The following ITGA3 variants were observed in gnomAD, a reference collection of about 807,000 sequenced individuals.
ITGA3 encodes the protein integrin alpha-3.
In ITGA3, 70 loss-of-function variants were observed where a neutral mutation model predicts 131.1. That is an observed-to-expected ratio of 0.53 (90% CI 0.44 to 0.65). ITGA3 has a LOEUF of 0.65. Ranked by LOEUF, ITGA3 falls within the 30% of genes least tolerant of loss-of-function variation. The probability of loss-of-function intolerance (pLI) is 0.00; values close to 1 mark genes in which losing one functional copy is unlikely to be tolerated. For missense variants in ITGA3, 1,098 were observed against 1,388.6 expected (o/e 0.79, Z 3.33); for synonymous variants, 537 against 571.6 (o/e 0.94, Z 0.86).
rs374128360 is a variant in ITGA3, at chr17:50,060,682, C to T, written c.207-3395C>T. On this transcript the variant is annotated intron_variant, in intron 1 of 25. Coordinates refer to ENST00000320031, the MANE Select transcript of ITGA3 (RefSeq NM_002204.4). Reference sequence around the variant, plus strand: ...GGGGGCTGGGGGTCTCTGCTCCCCCCAGTCCAGCCTGACTCCAGGAGAGGG... The same window carrying T: ...GGGGGCTGGGGGTCTCTGCTCCCCCTAGTCCAGCCTGACTCCAGGAGAGGG... 7.3e-4 allele frequency among the ~76,000 whole-genome samples: 111 copies of T among 152,170 alleles called. 2 individuals are homozygous for T. The South Asian group carries it at 0.02, about 28-fold the overall frequency.
chr17:50,074,440 C>A lies in ITGA3; in HGVS notation c.1383-8C>A. 2 of 1,613,628 alleles carry A rather than the reference C, an allele frequency of 1.2e-6. No individual in the cohort carries two copies. The highest frequency in any genetic ancestry group is 1.7e-6 in the Non-Finnish European group (2 of 1,179,636). The stretch of plus-strand genomic sequence containing the variant: ...ACTGATATCTGTCTGGCTCTGTTGT[C>A]TCTGCAGGGCCCGGCCCGTCATCAA... On this transcript the variant is annotated splice_region_variant and splice_polypyrimidine_tract_variant and intron_variant, in intron 9 of 25. Transcript: ENST00000320031.
chr17:50,076,412 G>A lies in ITGA3; in HGVS notation c.1761G>A (p.Gly587=), dbSNP rs1156610036. Residue 587 remains glycine (G), a synonymous_variant, in exon 13 of 26, where the codon GGG becomes GGA. Transcript: ENST00000320031. The stretch of plus-strand genomic sequence containing the variant: ...GGATGCCCGATCGCCCCCGGCTGGG[G>A]CTGCGGTCCCTGGACGCCTACCCGA... ...PLRMPDRPRL[G]LRSLDAYPIL... 1.2e-6 allele frequency: 2 copies of A among 1,612,418 alleles called. No homozygotes were observed. The highest frequency in any genetic ancestry group is 1.7e-6 in the Non-Finnish European group (2 of 1,180,002).
Position 50,074,826 on chromosome 17 carries a change from GA to G in ITGA3, c.1469+293del, listed in dbSNP as rs1428120284. On this transcript the variant is annotated intron_variant, in intron 10 of 25. Coordinates refer to ENST00000320031, the MANE Select transcript of ITGA3 (RefSeq NM_002204.4). ...GGTGGGGATGGGCTCTGGAAAGGGGGACGCATTTAAGTGGATGGATATGGAG... is the reference window on the plus strand; with the variant it reads ...GGTGGGGATGGGCTCTGGAAAGGGGGCGCATTTAAGTGGATGGATATGGAG... 2.6e-5 allele frequency among the ~76,000 whole-genome samples: 4 copies of G among 152,188 alleles called. No individual in the cohort carries two copies. The East Asian group carries it at 7.7e-4, about 29-fold the overall frequency.
In ITGA3 at chr17:50,071,967, T is replaced by C. The variant is rs752556325; in HGVS notation, c.960-19T>C. 1.9e-6 allele frequency: 3 copies of C among 1,607,112 alleles called. No homozygotes were observed. Among genetic ancestry groups the C allele is most frequent in the Non-Finnish European group, 2.6e-6 (3 of 1,175,392 alleles). On this transcript the variant is annotated intron_variant, in intron 6 of 25. Transcript: ENST00000320031. Reference sequence around the variant, plus strand: ...TGGAGGCTGACCTCACACTCCCATTTCCCTCCTCTCCTGTGTAGGTGGCAG... The same window carrying C: ...TGGAGGCTGACCTCACACTCCCATTCCCCTCCTCTCCTGTGTAGGTGGCAG...
chr17:50,062,370 G>C (rs1210878138), intron 1 of ITGA3, among the ~76,000 whole-genome samples: 1 of 152,098 alleles, frequency 6.6e-6, no homozygotes, highest in African/African-American at 2.4e-5. Flanking sequence ...GCAGGCTGTG[G>C]GTCCCTTCTC....
intron 25 of ITGA3, 75 bp downstream of exon 25, chr17:50,088,441 C>G: frequency 1.3e-6 from 1 of 754,226 alleles, no homozygotes; most frequent in Admixed American, 2.2e-5. Context: ...ATCTGCTCCT[C>G]TTCCCTTATG....
In ITGA3 at chr17:50,085,238, G is replaced by A. The variant is rs547637878; in HGVS notation, c.2920-2506G>A. On this transcript the variant is annotated intron_variant, in intron 23 of 25. Coordinates refer to ENST00000320031, the MANE Select transcript of ITGA3 (RefSeq NM_002204.4). Reference sequence around the variant, plus strand: ...AAAGAAAAGGGAGGAAGGAAGAGAGGGAGGAAGGGAGGTTGCTGAAGGGTG... The same window carrying A: ...AAAGAAAAGGGAGGAAGGAAGAGAGAGAGGAAGGGAGGTTGCTGAAGGGTG... 1.3e-4 allele frequency among the ~76,000 whole-genome samples: 19 copies of A among 151,790 alleles called. 1 individual carries two copies. The highest frequency in any genetic ancestry group is 4.3e-4 in the African/African-American group (18 of 41,410).
chr17:50,078,037 T>G lies in ITGA3; in HGVS notation c.2140-9T>G. The G allele has an allele frequency of 6.2e-7, 1 of 1,608,094 alleles. No individual in the cohort carries two copies. Among genetic ancestry groups the G allele is most frequent in the Non-Finnish European group, 8.5e-7 (1 of 1,175,316 alleles). ...ATGCCACTCTCTGCCTCCCTGACCC[T>G]TGTGGCAGATGGAGCTGCTCATCGC... is the stretch of plus-strand genomic sequence containing the variant. On this transcript the variant is annotated splice_polypyrimidine_tract_variant and intron_variant, in intron 16 of 25. Transcript: ENST00000320031.
chr17:50,064,374 A>G lies in ITGA3; in HGVS notation c.335-154A>G, dbSNP rs1365236077. 7 of 1,126,118 alleles carry G rather than the reference A, an allele frequency of 6.2e-6. No homozygotes were observed. The highest frequency in any genetic ancestry group is 2.6e-5 in the East Asian group (1 of 38,924). 69.8% of individuals were successfully genotyped at this position (1,126,118 alleles called of 1,614,324 possible). A position where few individuals can be genotyped will look rare whatever the true frequency, so the allele number is the denominator to read the frequency against. On this transcript the variant is annotated intron_variant, in intron 2 of 25. Coordinates refer to ENST00000320031, the MANE Select transcript of ITGA3 (RefSeq NM_002204.4). This position sits in a 1 kb window ranked among gnomAD's most constrained non-coding sequence, Gnocchi z 4.4. ...GAGAGTGGGGCTGGATGGGATTGGT[A>G]GAGCTCAGAATAATGACGAGCTGGA...
In ITGA3 at chr17:50,081,809, G is replaced by T. The variant is rs191971793; in HGVS notation, c.2919+401G>T. ...CAGCTTGTCAGGGGCTGGAACGTGG[G>T]TCTCCTGATTATCTCACCCATTGTC... On this transcript the variant is annotated intron_variant, in intron 23 of 25. Transcript: ENST00000320031. 1.1e-3 allele frequency among the ~76,000 whole-genome samples: 171 copies of T among 152,238 alleles called. 1 individual carries two copies. Among genetic ancestry groups the T allele is most frequent in the Non-Finnish European group, 1.5e-3 (101 of 68,020 alleles).
intron 23 of ITGA3, among the ~76,000 whole-genome samples, chr17:50,083,484 A>T (rs1363181869): frequency 6.6e-6 from 1 of 151,874 alleles, no homozygotes; most frequent in Non-Finnish European, 1.5e-5. Context: ...AGCACTTTGG[A>T]GACTGAGGCA....
At chr17:50,068,811 CTTTT>C (rs369360994) in intron 4 of ITGA3, among the ~76,000 whole-genome samples, 2 of 136,058 alleles carry the variant, frequency 1.5e-5, no homozygotes, top group African/African-American at 5.2e-5. Context: ...CTCAATCAGT[CTTTT>C]TTATTTATTT....
intron 20 of ITGA3, 78 bp from the exon 21 acceptor site, chr17:50,079,357 T>C: frequency 6.4e-7 from 1 of 1,552,816 alleles, no homozygotes; most frequent in Non-Finnish European, 8.7e-7. Flanking sequence ...AAGCTGTCTC[T>C]CCTACCCTTT....
Position 50,074,449 on chromosome 17 carries a change from G to A in ITGA3, c.1384G>A (p.Ala462Thr). 2.5e-6 allele frequency: 4 copies of A among 1,613,920 alleles called. No individual in the cohort carries two copies. The highest frequency in any genetic ancestry group is 3.4e-6 in the Non-Finnish European group (4 of 1,179,890). Residue 462 changes from alanine to threonine, a missense_variant and splice_region_variant, in exon 10 of 26, where the codon GCC becomes ACC. Coordinates refer to ENST00000320031, the MANE Select transcript of ITGA3 (RefSeq NM_002204.4). ...SLSDHIVLLR[A>T]RPVINIVHKT... ...TGTCTGGCTCTGTTGTCTCTGCAGG[G>A]CCCGGCCCGTCATCAACATCGTCCA...
chr17:50,087,665 G>T lies in ITGA3; in HGVS notation c.2920-79G>T, dbSNP rs959468259. The T allele has an allele frequency of 2.7e-6, 4 of 1,493,764 alleles. No homozygotes were observed. The African/African-American group carries it at 5.5e-5, about 20-fold the overall frequency. 92.5% of individuals were successfully genotyped at this position (1,493,764 alleles called of 1,614,324 possible). ...GCAGCAGGACAAACAGCAGGTGCCT[G>T]GGCCCAGCTAGGATAGGAAGGGTGA... On this transcript the variant is annotated intron_variant, in intron 23 of 25. Coordinates refer to ENST00000320031, the MANE Select transcript of ITGA3 (RefSeq NM_002204.4).
In ITGA3 at chr17:50,070,812, T is replaced by A. The variant is rs201400074; in HGVS notation, c.665-32T>A. 2.1e-4 allele frequency: 311 copies of A among 1,462,444 alleles called. 1 individual carries two copies. Among genetic ancestry groups the A allele is most frequent in the Admixed American group, 1.4e-3 (85 of 59,824 alleles). 90.6% of individuals were successfully genotyped at this position (1,462,444 alleles called of 1,614,324 possible). On this transcript the variant is annotated intron_variant, in intron 4 of 25. Coordinates refer to ENST00000320031, the MANE Select transcript of ITGA3 (RefSeq NM_002204.4). Reference sequence around the variant, plus strand: ...ACCAGAAACCGGTGGTGACTTATACTCCCTACTCTCCCTCCCTCAATCCCT... The same window carrying A: ...ACCAGAAACCGGTGGTGACTTATACACCCTACTCTCCCTCCCTCAATCCCT...
At chr17:50,062,396 G>T (rs1056150328) in intron 1 of ITGA3, among the ~76,000 whole-genome samples, 4 of 152,152 alleles carry the variant, frequency 2.6e-5, no homozygotes, top group African/African-American at 9.7e-5. Flanking sequence ...TGTCAGGCAC[G>T]CCAGAGAGCG....
At position 50,078,906 on chromosome 17, in the gene ITGA3, C is replaced by T. The variant is rs1174089345; in HGVS notation, c.2380C>T (p.Pro794Ser). 1 of 1,609,688 alleles carries T rather than the reference C, an allele frequency of 6.2e-7. No homozygotes were observed. The highest frequency in any genetic ancestry group is 1.3e-5 in the African/African-American group (1 of 74,732). Residue 794 changes from proline to serine, a missense_variant, in exon 19 of 26, where the codon CCC becomes TCC. Around this residue, in one of 3 missense-constraint regions of ITGA3, gnomAD observed 699 missense variants for 829.2 expected, o/e 0.84. Coordinates refer to ENST00000320031, the MANE Select transcript of ITGA3 (RefSeq NM_002204.4). ...GAAAACTGTGGAGGATGTAGGAAGC[C>T]CCCTCAAGTATGAATTCCAGGTAAG... The part of the protein sequence containing the change: ...GMKTVEDVGS[P>S]LKYEFQVGPM...
At position 50,077,483 on chromosome 17, in the gene ITGA3, T is replaced by A. The variant is rs373616096; in HGVS notation, c.2139+36T>A. The A allele has an allele frequency of 6.5e-5, 99 of 1,515,128 alleles. No homozygotes were observed. In the African/African-American group the frequency reaches 1.1e-3, roughly 17 times the overall value. 93.9% of individuals were successfully genotyped at this position (1,515,128 alleles called of 1,614,324 possible). A position where few individuals can be genotyped will look rare whatever the true frequency, so the allele number is the denominator to read the frequency against. On this transcript the variant is annotated intron_variant, in intron 16 of 25. Coordinates refer to ENST00000320031, the MANE Select transcript of ITGA3 (RefSeq NM_002204.4). ...GCCACATCCTCCCAGTCCTCCTGGG[T>A]CCCTGGCTGCACCTCTGATGAGCTC...
Sources: allele counts gnomAD v4.1 joint callset (sites outside exome capture counted in the v4.1 genomes callset), GRCh38; gene constraint gnomAD v4.1.1; regional missense constraint gnomAD v4.1.1; non-coding constraint Gnocchi (gnomAD v3.1); transcripts MANE v1.5; gene names NCBI Gene and HGNC (gene_info 2026-07-23, HGNC 2026-07-21).